MACROD2: variants seen among roughly 807,000 people sequenced by gnomAD.
MACROD2 encodes mono-ADP ribosylhydrolase 2.
MACROD2 carries 36 observed loss-of-function variants against 70.4 expected under a neutral mutation model. The observed-to-expected ratio is 0.51, with a 90% CI of 0.39 to 0.68. The LOEUF is 0.68. Ranked by LOEUF, MACROD2 falls within the 30% of genes least tolerant of loss-of-function variation. The pLI is 0.00. For synonymous variants in MACROD2, 172 were observed against 178.8 expected (o/e 0.96, Z 0.30); for missense variants, 496 against 538.4 (o/e 0.92, Z 0.78).
intron 5 of MACROD2, among the ~76,000 whole-genome samples, chr20:15,048,056 G>A (rs568588505): frequency 1.1e-4 from 17 of 151,388 alleles, no homozygotes; most frequent in Non-Finnish European, 2.4e-4. Context: ...TTGAGGCCAC[G>A]AGTTCAAGAA....
At chr20:15,073,230 C>G (rs2075632285) in intron 5 of MACROD2, among the ~76,000 whole-genome samples, 1 of 152,060 alleles carries the variant, frequency 6.6e-6, no homozygotes, top group South Asian at 2.1e-4. Context: ...TTAAAGCTAT[C>G]TATATTTGAA....
At chr20:15,700,190 T>G (rs2050437035) in intron 8 of MACROD2, among the ~76,000 whole-genome samples, 1 of 152,204 alleles carries the variant, frequency 6.6e-6, no homozygotes, top group African/African-American at 2.4e-5. Context: ...CTTGCAGTTC[T>G]GAAGCTAAAA....
chr20:14,647,481 C>T (rs938753586), intron 4 of MACROD2, among the ~76,000 whole-genome samples: 1 of 152,052 alleles, frequency 6.6e-6, no homozygotes, highest in African/African-American at 2.4e-5. Context: ...GCACATATTT[C>T]AATGCATTGC....
chr20:14,514,725 G>A (rs546241502), intron 4 of MACROD2, among the ~76,000 whole-genome samples: 35 of 152,108 alleles, frequency 2.3e-4, no homozygotes, highest in Non-Finnish European at 4.1e-4. Flanking sequence ...GTTGAATGGC[G>A]CCAATACCTT....
intron 3 of MACROD2, among the ~76,000 whole-genome samples, chr20:14,200,031 A>G (rs1407932981): frequency 1.3e-5 from 2 of 152,210 alleles, no homozygotes; most frequent in Non-Finnish European, 2.9e-5. Flanking sequence ...AATAGCAAAG[A>G]CATTCTTGCA....
intron 8 of MACROD2, among the ~76,000 whole-genome samples, chr20:15,850,746 C>T (rs955235001): frequency 6.6e-6 from 1 of 152,180 alleles, no homozygotes; most frequent in African/African-American, 2.4e-5. Flanking sequence ...GTCCTTTGAA[C>T]AGAGTCCACA....
chr20:14,485,495 A>G (rs1235519497), intron 3 of MACROD2, among the ~76,000 whole-genome samples: 2 of 152,090 alleles, frequency 1.3e-5, no homozygotes, highest in South Asian at 4.1e-4. Context: ...AGGTCGGGAA[A>G]TCAGGATCAT....
intron 5 of MACROD2, among the ~76,000 whole-genome samples, chr20:15,056,189 AACAC>A (rs1339730492): frequency 2.6e-5 from 4 of 152,154 alleles, no homozygotes; most frequent in African/African-American, 9.7e-5. Flanking sequence ...GGCCAGGTAA[AACAC>A]AGAGCACTCT....
chr20:15,240,207 C>G (rs2077049366), intron 6 of MACROD2, among the ~76,000 whole-genome samples: 1 of 152,162 alleles, frequency 6.6e-6, no homozygotes, highest in African/African-American at 2.4e-5. Context: ...TTTGTTCCAT[C>G]CTTTTTATCA....
intron 2 of MACROD2, among the ~76,000 whole-genome samples, chr20:14,037,183 T>G (rs899633525): frequency 6.6e-6 from 1 of 152,152 alleles, no homozygotes; most frequent in African/African-American, 2.4e-5. Flanking sequence ...CTTCTTTGTA[T>G]TGTTACACAC....
intron 8 of MACROD2, among the ~76,000 whole-genome samples, chr20:15,536,837 C>G (rs1404252728): frequency 6.6e-6 from 1 of 152,074 alleles, no homozygotes; most frequent in African/African-American, 2.4e-5. Context: ...AAAAAGAAAC[C>G]AGTGGAAGTG....
intron 2 of MACROD2, among the ~76,000 whole-genome samples, chr20:14,070,781 A>G (rs1182460008): frequency 6.6e-6 from 1 of 152,172 alleles, no homozygotes; most frequent in Non-Finnish European, 1.5e-5. Context: ...TATGGGTGCC[A>G]AAATACAGGG....
intron 5 of MACROD2, among the ~76,000 whole-genome samples, chr20:14,883,563 G>C (rs1038590433): frequency 1.3e-5 from 2 of 151,144 alleles, no homozygotes; most frequent in African/African-American, 4.9e-5. Flanking sequence ...CTGAATACTA[G>C]CACTTGAAAT....
intron 9 of MACROD2, among the ~76,000 whole-genome samples, chr20:15,884,098 G>A (rs1029825377): frequency 2.0e-5 from 3 of 152,006 alleles, no homozygotes; most frequent in African/African-American, 7.2e-5. Flanking sequence ...GAAGATCAAG[G>A]TAACTTCTCC....
At chr20:14,546,444 C>T (rs76419925) in intron 4 of MACROD2, among the ~76,000 whole-genome samples, 20,050 of 152,126 alleles carry the variant, frequency 0.13, 1,652 homozygotes, top group Non-Finnish European at 0.16. Context: ...ATAAGTGTTT[C>T]TCTTAATATT....
rs998079109 is a variant in MACROD2, at chr20:14,538,540, C to G, written c.301+45032C>G. Among the ~76,000 whole-genome samples the G allele has an allele frequency of 1.2e-4, 19 of 152,320 alleles. No homozygotes were observed. In the East Asian group the frequency reaches 3.7e-3, roughly 29 times the overall value. The stretch of plus-strand genomic sequence containing the variant: ...GCAAAATCCACAATTTGCTCAGCTA[C>G]TATGAGCCTGCTCTTGCCTGTCTTC... On this transcript the variant is annotated intron_variant, in intron 4 of 17. Transcript: ENST00000684519.
At chr20:14,855,466 A>G (rs571173430) in intron 5 of MACROD2, among the ~76,000 whole-genome samples, 72 of 152,276 alleles carry the variant, frequency 4.7e-4, no homozygotes, top group African/African-American at 1.7e-3. Flanking sequence ...CTGATCTGAC[A>G]GCATCATAAT....
chr20:14,533,844 G>A (rs917053346), intron 4 of MACROD2, among the ~76,000 whole-genome samples: 1 of 152,054 alleles, frequency 6.6e-6, no homozygotes, highest in African/African-American at 2.4e-5. Flanking sequence ...ACCTGTGTTT[G>A]GACATTCATT....
chr20:15,655,235 G>A (rs460654), intron 8 of MACROD2, among the ~76,000 whole-genome samples: 46,459 of 151,510 alleles, frequency 0.31, 7,960 homozygotes, highest in East Asian at 0.42. Flanking sequence ...GATAATTGTA[G>A]AAAATTACCT....
Sources: gnomAD v4.1 joint callset for allele counts (sites outside exome capture counted in the v4.1 genomes callset) on GRCh38, gnomAD v4.1.1 for gene constraint, MANE v1.5 for transcripts, NCBI Gene and HGNC (gene_info 2026-07-23, HGNC 2026-07-21) for gene names.